TPPP: variants seen among roughly 807,000 people sequenced by gnomAD.
TPPP encodes the protein tubulin polymerization promoting protein, also known as tubulin polymerization-promoting protein.
Under a neutral mutation model 15.5 loss-of-function variants are expected in TPPP, and 6 were observed. The observed-to-expected ratio is 0.39, with a 90% CI of 0.21 to 0.77. The LOEUF is 0.77. Ranked by LOEUF, TPPP falls within the 30% of genes least tolerant of loss-of-function variation. The pLI is 0.42. For synonymous variants in TPPP, 146 were observed against 133.9 expected (o/e 1.09, Z -0.63); for missense variants, 269 against 307.2 (o/e 0.88, Z 0.93).
chr5:676,974 C>T (rs1324975149), intron 2 of TPPP, among the ~76,000 whole-genome samples: 1 of 142,706 alleles, frequency 7.0e-6, no homozygotes, highest in African/African-American at 2.5e-5. Flanking sequence ...CACAGAAACG[C>T]ACACACGACG....
At chr5:674,399 C>A (rs762567001) in intron 2 of TPPP, among the ~76,000 whole-genome samples, 2 of 150,748 alleles carry the variant, frequency 1.3e-5, no homozygotes, top group Non-Finnish European at 2.9e-5. Flanking sequence ...CCTGCCCTTG[C>A]CCACGCAGGC....
intron 2 of TPPP, among the ~76,000 whole-genome samples, chr5:673,935 G>T (rs1305508642): frequency 6.6e-6 from 1 of 152,246 alleles, no homozygotes. Context: ...CTGCATGTGT[G>T]TGCAGGCGTG....
chr5:688,385 A>G (rs1740817418), intron 1 of TPPP, among the ~76,000 whole-genome samples: 1 of 144,914 alleles, frequency 6.9e-6, no homozygotes, highest in Non-Finnish European at 1.6e-5. Flanking sequence ...GTGTGGACGG[A>G]CCACTCGCGC....
At chr5:670,678 C>T (rs1740189472) in intron 2 of TPPP, among the ~76,000 whole-genome samples, 1 of 152,164 alleles carries the variant, frequency 6.6e-6, no homozygotes, top group African/African-American at 2.4e-5. Context: ...CAGGAGGGTC[C>T]AGTGGTCCCG....
chr5:670,700 C>G (rs1740190365), intron 2 of TPPP, among the ~76,000 whole-genome samples: 1 of 152,178 alleles, frequency 6.6e-6, no homozygotes, highest in Non-Finnish European at 1.5e-5. Flanking sequence ...TCCAGCAGGA[C>G]CCAGCCTTGG....
chr5:676,992 G>A (rs368929954), intron 2 of TPPP, among the ~76,000 whole-genome samples: 51 of 112,108 alleles, frequency 4.5e-4, no homozygotes, highest in African/African-American at 1.4e-3. Context: ...ACGCAGAAAC[G>A]CGCACACGTG....
At chr5:695,627 G>A (rs1422871975), upstream of TPPP, among the ~76,000 whole-genome samples, 3 of 151,506 alleles carry the variant, frequency 2.0e-5, no homozygotes, top group South Asian at 2.1e-4. Flanking sequence ...GGCTCCAGGC[G>A]GTCCTGGGTG....
At chr5:676,381 A>AGCTGGTAGATGGGGC (rs1740432312) in intron 2 of TPPP, 1 of 152,218 alleles carries the variant, frequency 6.6e-6, no homozygotes, top group Non-Finnish European at 1.5e-5. Flanking sequence ...GCCCACCCAG[A>AGCTGGTAGATGGGGC]GCTGGTAGAT....
intron 1 of TPPP, among the ~76,000 whole-genome samples, chr5:687,762 TC>T (rs1429482960): frequency 9.6e-6 from 1 of 104,090 alleles, no homozygotes; most frequent in Non-Finnish European, 2.2e-5. Flanking sequence ...TGAAAAAATA[TC>T]ATCAAGAGAG....
chr5:699,765 C>A, the TPPP span, among the ~76,000 whole-genome samples: 3 of 150,956 alleles, frequency 2.0e-5, no homozygotes, highest in African/African-American at 7.3e-5. Context: ...ACCAAATAAG[C>A]CCATTAAAAA....
upstream of TPPP, among the ~76,000 whole-genome samples, chr5:696,920 C>G (rs1347560762): frequency 1.4e-4 from 21 of 150,382 alleles, no homozygotes; most frequent in South Asian, 3.2e-3. Context: ...GCCTGTGTCT[C>G]TGTGTGTGCA....
chr5:695,507 T>A (rs1740995326), upstream of TPPP, among the ~76,000 whole-genome samples: 1 of 148,324 alleles, frequency 6.7e-6, no homozygotes, highest in African/African-American at 2.5e-5. Flanking sequence ...CCTTAGAAAA[T>A]CACTACAAAT....
At chr5:697,282 A>T (rs1741031759), upstream of TPPP, among the ~76,000 whole-genome samples, 1 of 81,024 alleles carries the variant, frequency 1.2e-5, no homozygotes, top group African/African-American at 4.3e-5. Flanking sequence ...GAGGAGGGGA[A>T]GCCAAATGGG....
intron 2 of TPPP, among the ~76,000 whole-genome samples, chr5:666,339 C>T (rs942645055): frequency 6.6e-6 from 1 of 152,256 alleles, no homozygotes; most frequent in Non-Finnish European, 1.5e-5. Flanking sequence ...CACGGCCCTG[C>T]AGGCCGCTCT....
chr5:678,786 G>A (rs1579191477), intron 1 of TPPP, among the ~76,000 whole-genome samples: 2 of 152,182 alleles, frequency 1.3e-5, no homozygotes, highest in Non-Finnish European at 2.9e-5. Context: ...TTTGCAAGGC[G>A]CCCGCCCCCA....
intron 2 of TPPP, among the ~76,000 whole-genome samples, 174 bp downstream of exon 2, chr5:677,576 G>A (rs1314826060): frequency 1.3e-5 from 2 of 152,040 alleles, no homozygotes; most frequent in Non-Finnish European, 2.9e-5. Context: ...CTCCCTGGGG[G>A]CCCAGATGGC....
upstream of TPPP, among the ~76,000 whole-genome samples, chr5:694,421 G>A (rs2126919452): frequency 7.9e-6 from 1 of 126,852 alleles, no homozygotes; most frequent in East Asian, 2.2e-4. Flanking sequence ...CCCCAGCCCC[G>A]GCTCTGTCCC....
chr5:665,311 G>A lies in TPPP; in HGVS notation c.466-15C>T. 2 of 1,606,576 alleles carry A rather than the reference G, an allele frequency of 1.2e-6. No individual in the cohort carries two copies. Among genetic ancestry groups the A allele is most frequent in the Admixed American group, 1.7e-5 (1 of 59,370 alleles). Reference sequence around the variant, plus strand: ...GAGATGGCTTTCTGCAAGAGGAGCAGGAGGAAGGGGGCAGGTGAGTTGCGA... The same window carrying A: ...GAGATGGCTTTCTGCAAGAGGAGCAAGAGGAAGGGGGCAGGTGAGTTGCGA... On this transcript the variant is annotated splice_polypyrimidine_tract_variant and intron_variant, in intron 3 of 3. Transcript: ENST00000360578.
Position 662,076 on chromosome 5 carries a change from T to G in TPPP, c.*3026A>C, listed in dbSNP as rs1220368325. ...AAACCCACAGGCGTGGCCTAGGGTT[T>G]GGGATGCACGCCACGATTTTCTCTC... is the stretch of plus-strand genomic sequence containing the variant. On this transcript the variant is annotated 3_prime_UTR_variant, in exon 4 of 4. Transcript: ENST00000360578. The G allele has an allele frequency of 1.3e-5, 2 of 152,350 alleles. No homozygotes were observed. The highest frequency in any genetic ancestry group is 2.1e-4 in the South Asian group (1 of 4,828). 9.4% of individuals were successfully genotyped at this position (152,350 alleles called of 1,614,324 possible).
Sources: gnomAD v4.1 joint callset for allele counts (sites outside exome capture counted in the v4.1 genomes callset) on GRCh38, gnomAD v4.1.1 for gene constraint, MANE v1.5 for transcripts, NCBI Gene and HGNC (gene_info 2026-07-23, HGNC 2026-07-21) for gene names.